The following BCL2L13 variants were observed in gnomAD, a reference collection of about 807,000 sequenced individuals.
BCL2L13 encodes the protein bcl-2-like protein 13.
BCL2L13 carries 13 observed loss-of-function variants against 25.8 expected under a neutral mutation model. The observed-to-expected ratio is 0.50, with a 90% CI of 0.33 to 0.80. The LOEUF (loss-of-function observed/expected upper bound fraction) is 0.80, where lower values mean the gene tolerates loss of function less well. Among genes scored for constraint, BCL2L13 ranks in the 30% least tolerant of loss-of-function variants. The pLI, the probability that BCL2L13 is intolerant of heterozygous loss-of-function variation, is 0.02. For synonymous variants in BCL2L13, 244 were observed against 230.3 expected, an observed-to-expected ratio of 1.06 and a Z score of -0.54; for missense variants, 504 against 574.9, an observed-to-expected ratio of 0.88 and a Z score of 1.26.
intron 6 of BCL2L13, among the ~76,000 whole-genome samples, chr22:17,716,568 T>C (rs1435844105): frequency 6.6e-6 from 1 of 152,150 alleles, no homozygotes; most frequent in Non-Finnish European, 1.5e-5. Flanking sequence ...AAGATTGACT[T>C]TACCTCCTCT....
At chr22:17,723,331 G>T (rs964492172) in intron 6 of BCL2L13, among the ~76,000 whole-genome samples, 1 of 152,138 alleles carries the variant, frequency 6.6e-6, no homozygotes, top group Non-Finnish European at 1.5e-5. Flanking sequence ...TTTCCTAATT[G>T]TATACTGCAG....
At position 17,651,371 on chromosome 22, in the gene BCL2L13, T is replaced by C. The variant is rs1432197322; in HGVS notation, c.-50-4291T>C. Among the ~76,000 whole-genome samples the C allele has an allele frequency of 4.1e-4, 4 of 9,788 alleles. 1 individual carries two copies. The highest frequency in any genetic ancestry group is 1.9e-3 in the African/African-American group (4 of 2,066). The allele number at this position is 9,788 out of a possible 152,430, so 6.4% of individuals were successfully genotyped here. A position where few individuals can be genotyped will look rare whatever the true frequency, so the allele number is the denominator to read the frequency against. Reference sequence around the variant, plus strand: ...TTTTGTATCTCCAGCCTAGACCTATTTATTTATTTATTTATTTATTTATTT... The same window carrying C: ...TTTTGTATCTCCAGCCTAGACCTATCTATTTATTTATTTATTTATTTATTT... On this transcript the variant is annotated intron_variant, in intron 1 of 6. Transcript: ENST00000317582.
At position 17,656,335 on chromosome 22, in the gene BCL2L13, CTTTTTTTTTTTTTTTTTTT is replaced by C. The variant is rs890631679; in HGVS notation, c.121+518_121+536del. ...CAAAAGTATTTTTTTTCATTTTATT[CTTTTTTTTTTTTTTTTTTT>C]TTTTTTTTTTTTTTGGGACAGAGTC... is the stretch of plus-strand genomic sequence containing the variant. On this transcript the variant is annotated intron_variant, in intron 2 of 6. Transcript: ENST00000317582. 2.6e-3 allele frequency among the ~76,000 whole-genome samples: 148 copies of C among 57,922 alleles called. 13 individuals carry two copies. In the East Asian group the frequency reaches 0.1, roughly 40 times the overall value. 38.0% of individuals were successfully genotyped at this position (57,922 alleles called of 152,430 possible). A position where few individuals can be genotyped will look rare whatever the true frequency, so the allele number is the denominator to read the frequency against.
chr22:17,667,963 C>CTTTTTTTTTTTTT (rs71201863), intron 2 of BCL2L13, among the ~76,000 whole-genome samples: 2 of 71,698 alleles, frequency 2.8e-5, no homozygotes, highest in Non-Finnish European at 5.2e-5. Flanking sequence ...TCCAGTTTGT[C>CTTTTTTTTTTTTT]TTTTTTTTTT....
At chr22:17,664,369 T>C (rs1459004099) in intron 2 of BCL2L13, among the ~76,000 whole-genome samples, 1 of 152,170 alleles carries the variant, frequency 6.6e-6, no homozygotes, top group African/African-American at 2.4e-5. Flanking sequence ...TGGGTTCCCA[T>C]GGCCTTGGAG....
intron 4 of BCL2L13, chr22:17,695,899 A>G (rs1568985382): frequency 5.0e-6 from 2 of 399,908 alleles, no homozygotes; most frequent in East Asian, 3.6e-5. Context: ...CAAAAAAATT[A>G]CTAGAATATA....
intron 5 of BCL2L13, 46 bp downstream of exon 5, chr22:17,696,256 A>G: frequency 6.8e-7 from 1 of 1,468,564 alleles, no homozygotes; most frequent in Non-Finnish European, 9.5e-7. Flanking sequence ...TAGTGTGTTA[A>G]TGATAAGACG....
At chr22:17,723,372 T>C (rs577548850) in intron 6 of BCL2L13, among the ~76,000 whole-genome samples, 10 of 152,226 alleles carry the variant, frequency 6.6e-5, no homozygotes, top group African/African-American at 2.4e-4. Context: ...GATTTTACTT[T>C]ACAGTTTTGT....
intron 1 of BCL2L13, chr22:17,629,122 T>C (rs1183223631): frequency 6.4e-6 from 1 of 157,226 alleles, no homozygotes; most frequent in East Asian, 1.8e-4. Context: ...TCCGGAGACT[T>C]TGGGAGACCA....
chr22:17,688,950 T>A (rs1175094749), intron 3 of BCL2L13, 36 bp from the exon 4 acceptor site: 1 of 1,593,236 alleles, frequency 6.3e-7, no homozygotes. Flanking sequence ...TAGATATTGT[T>A]TATTATATTA....
intron 2 of BCL2L13, among the ~76,000 whole-genome samples, chr22:17,675,838 TTG>T (rs2059560767): frequency 6.6e-6 from 1 of 152,242 alleles, no homozygotes; most frequent in Non-Finnish European, 1.5e-5. Context: ...CTAGCAGCAA[TTG>T]AAGAGCAAGA....
intron 2 of BCL2L13, among the ~76,000 whole-genome samples, chr22:17,670,448 C>A (rs1601595806): frequency 6.7e-6 from 1 of 149,982 alleles, no homozygotes; most frequent in Non-Finnish European, 1.5e-5. Context: ...GATCTTGGCT[C>A]ACCGCAACCT....
chr22:17,709,987 T>C (rs1236339876), intron 6 of BCL2L13, among the ~76,000 whole-genome samples: 1 of 147,048 alleles, frequency 6.8e-6, no homozygotes, highest in Non-Finnish European at 1.5e-5. Flanking sequence ...GGAGGATCAC[T>C]TGAGCCTGGG....
chr22:17,685,850 C>T (rs1601656445), intron 3 of BCL2L13, among the ~76,000 whole-genome samples: 1 of 131,570 alleles, frequency 7.6e-6, no homozygotes, highest in East Asian at 2.5e-4. Context: ...CGACTCACTG[C>T]AAGCTCCGCC....
chr22:17,700,665 T>C (rs1054286140), intron 5 of BCL2L13, among the ~76,000 whole-genome samples: 2 of 152,184 alleles, frequency 1.3e-5, no homozygotes, highest in Non-Finnish European at 1.5e-5. Flanking sequence ...ATAGTGTAAG[T>C]TTTCTTATTG....
chr22:17,691,646 A>G (rs796403671), intron 4 of BCL2L13, among the ~76,000 whole-genome samples: 1 of 146,912 alleles, frequency 6.8e-6, no homozygotes, highest in African/African-American at 2.4e-5. Flanking sequence ...ACTCTGTCTC[A>G]AAAACAAAAA....
intron 2 of BCL2L13, among the ~76,000 whole-genome samples, chr22:17,675,064 A>G (rs1440784269): frequency 1.9e-5 from 2 of 104,016 alleles, no homozygotes; most frequent in Non-Finnish European, 4.2e-5. Flanking sequence ...ACATACATAC[A>G]TACATATGTA....
At chr22:17,643,575 G>T (rs369654697) in intron 1 of BCL2L13, among the ~76,000 whole-genome samples, 5 of 152,260 alleles carry the variant, frequency 3.3e-5, no homozygotes, top group Middle Eastern at 3.4e-3. Flanking sequence ...CTAAAGAGCT[G>T]ATAGCCAAGA....
intron 6 of BCL2L13, among the ~76,000 whole-genome samples, chr22:17,726,350 TAAAA>T (rs56121786): frequency 2.2e-5 from 3 of 137,086 alleles, no homozygotes; most frequent in Non-Finnish European, 3.2e-5. Context: ...GACTCCATCT[TAAAA>T]AAAAAAAAAA....
Sources: allele counts gnomAD v4.1 joint callset (sites outside exome capture counted in the v4.1 genomes callset), GRCh38; gene constraint gnomAD v4.1.1; transcripts MANE v1.5; gene names NCBI Gene and HGNC (gene_info 2026-07-23, HGNC 2026-07-21).